CACNA1S: variants seen among roughly 807,000 people sequenced by gnomAD.
CACNA1S encodes the protein calcium voltage-gated channel subunit alpha1 S.
A neutral mutation model predicts 207.4 loss-of-function variants in CACNA1S; 126 were observed. The observed-to-expected ratio is 0.61, with a 90% CI of 0.53 to 0.70. CACNA1S has a LOEUF of 0.70. Among genes scored for constraint, CACNA1S ranks in the 30% least tolerant of loss-of-function variants. The pLI is 0.00. For missense variants in CACNA1S, 2,349 were observed against 2,422.8 expected (o/e 0.97, Z 0.64); for synonymous variants, 960 against 932.7 (o/e 1.03, Z -0.53).
Position 201,053,667 on chromosome 1 carries a change from CTG to C in CACNA1S, c.3667-82_3667-81del, listed in dbSNP as rs1660737506. The C allele has an allele frequency of 6.9e-7, 1 of 1,454,388 alleles. No individual in the cohort carries two copies. Among genetic ancestry groups the C allele is most frequent in the Admixed American group, 1.8e-5 (1 of 56,956 alleles). 90.1% of individuals were successfully genotyped at this position (1,454,388 alleles called of 1,614,324 possible). A position where few individuals can be genotyped will look rare whatever the true frequency, so the allele number is the denominator to read the frequency against. ...GGGGCAGGGCGGGGAGGGAGGTGCA[CTG>C]TGTGTTTTGGGGAGATGTTTGTGGC... On this transcript the variant is annotated intron_variant, in intron 29 of 43. Coordinates refer to ENST00000362061, the MANE Select transcript of CACNA1S (RefSeq NM_000069.3). The surrounding 1 kb of genome is among the most constrained non-coding windows in gnomAD (Gnocchi z 5.1).
At chr1:201,054,279 C>T (rs1199855007) in intron 29 of CACNA1S, among the ~76,000 whole-genome samples, 1 of 152,218 alleles carries the variant, frequency 6.6e-6, no homozygotes, top group East Asian at 1.9e-4. Flanking sequence ...AGAACCCGCA[C>T]TCCATCTCCC....
chr1:201,088,030 A>C, intron 6 of CACNA1S, 101 bp from the exon 7 acceptor site: 1 of 786,476 alleles, frequency 1.3e-6, no homozygotes, highest in Non-Finnish European at 2.2e-6. Flanking sequence ...ACAAGGAGAG[A>C]AGCCACGCTG....
chr1:201,045,433 T>C (rs1201642989), intron 38 of CACNA1S, among the ~76,000 whole-genome samples: 2 of 152,012 alleles, frequency 1.3e-5, no homozygotes, highest in African/African-American at 4.8e-5. Context: ...GGTCTGAGGA[T>C]TAGAATGTAG....
rs1558071726 is a variant in CACNA1S at position 201,076,943 on chromosome 1, G to C, written c.1804C>G (p.Gln602Glu). The change falls in exon 12 of 44, where the codon CAA becomes GAA. Residue 602 changes from glutamine to glutamate, a missense_variant. Physicochemically the swap from Gln to Glu is conservative, Grantham distance 29 (BLOSUM62 2). Transcript: ENST00000362061. ...VRRSNFDNFP[Q>E]ALISVFQVLT... is the part of the protein sequence containing the mutation. ...ACCTGGAAGACGCTGATGAGGGCTT[G>C]GGGAAAGTTGTCAAAGTTGCTGCGC... 2 of 1,614,214 alleles carry C rather than the reference G, an allele frequency of 1.2e-6. No homozygotes were observed. The highest frequency in any genetic ancestry group is 1.7e-6 in the Non-Finnish European group (2 of 1,180,020).
intron 9 of CACNA1S, among the ~76,000 whole-genome samples, chr1:201,083,976 G>A (rs2102152750): frequency 6.6e-6 from 1 of 152,270 alleles, no homozygotes; most frequent in East Asian, 1.9e-4. Context: ...GTTCCCTGCA[G>A]CACTGTTTGT....
rs748832613 is a variant in CACNA1S at position 201,089,468 on chromosome 1, AG to A, written c.695-6del. 1.4e-5 allele frequency: 23 copies of A among 1,613,514 alleles called. No homozygotes were observed. In the East Asian group the frequency reaches 2.5e-4, roughly 17 times the overall value. On this transcript the variant is annotated splice_polypyrimidine_tract_variant and splice_region_variant and intron_variant, in intron 5 of 43. Transcript: ENST00000362061. ...TCTCCACCGTGGCCACGATATCTGG[AG>A]GCAGAAGGCAAAGGGAACATCAGAC...
Position 201,078,396 on chromosome 1 carries a change from C to T in CACNA1S, c.1394-292G>A, listed in dbSNP as rs185731306. Among the ~76,000 whole-genome samples, 227 of 151,832 alleles carry T rather than the reference C, an allele frequency of 1.5e-3. 1 individual carries two copies. The highest frequency in any genetic ancestry group is 5.4e-3 in the African/African-American group (223 of 41,380). On this transcript the variant is annotated intron_variant, in intron 10 of 43. Transcript: ENST00000362061. ...TGTATTTTTAATAGAGACAGGGTTTCGTCATGTTGCCCAGGCTGGTCTTGA... is the reference window on the plus strand; with the variant it reads ...TGTATTTTTAATAGAGACAGGGTTTTGTCATGTTGCCCAGGCTGGTCTTGA...
chr1:201,047,469 C>T, intron 37 of CACNA1S, 56 bp downstream of exon 37: 1 of 1,449,442 alleles, frequency 6.9e-7, no homozygotes. Flanking sequence ...TGGAGAAGCT[C>T]CCCACTCCCA....
chr1:201,043,521 C>G lies in CACNA1S; in HGVS notation c.4808G>C (p.Gly1603Ala), dbSNP rs760651871. Residue 1603 changes from glycine (G) to alanine (A), a missense_variant, in exon 40 of 44, where the codon GGC becomes GCC. Coordinates refer to ENST00000362061, the MANE Select transcript of CACNA1S (RefSeq NM_000069.3). Reference sequence around the variant, plus strand: ...GAAGTTGTCCACCTGGCCAAACAGGCCTCCAGTCCTCTAGGGGCAAGGAGA... The same window carrying G: ...GAAGTTGTCCACCTGGCCAAACAGGGCTCCAGTCCTCTAGGGGCAAGGAGA... ...MEEGIFRRTG[G>A]LFGQVDNFLE... 1 of 1,613,832 alleles carries G rather than the reference C, an allele frequency of 6.2e-7. No homozygotes were observed. The highest frequency in any genetic ancestry group is 2.2e-5 in the East Asian group (1 of 44,860).
chr1:201,048,893 G>A, intron 35 of CACNA1S, 110 bp downstream of exon 35: 1 of 946,366 alleles, frequency 1.1e-6, no homozygotes, highest in Non-Finnish European at 1.7e-6. Context: ...TGGGGACCCA[G>A]GAGATCCCGG....
At chr1:201,090,185 A>G (rs1048428356) in intron 5 of CACNA1S, among the ~76,000 whole-genome samples, 13 of 152,204 alleles carry the variant, frequency 8.5e-5, no homozygotes, top group African/African-American at 2.9e-4. Flanking sequence ...AGGAGAGGAC[A>G]TTGATGGGTC....
At chr1:201,069,268 C>T in intron 18 of CACNA1S, 72 bp from the exon 19 acceptor site, 3 of 1,494,448 alleles carry the variant, frequency 2.0e-6, no homozygotes, top group South Asian at 1.1e-5. Flanking sequence ...GCAGCAGCAG[C>T]ATAAAGCAGG....
intron 2 of CACNA1S, among the ~76,000 whole-genome samples, chr1:201,095,712 C>A (rs1462696459): frequency 2.0e-5 from 3 of 152,210 alleles, no homozygotes; most frequent in African/African-American, 4.8e-5. Context: ...GATTAAAATG[C>A]AAAGCCATGC....
At chr1:201,065,555 C>T (rs1296223168) in intron 22 of CACNA1S, among the ~76,000 whole-genome samples, 1 of 152,198 alleles carries the variant, frequency 6.6e-6, no homozygotes, top group East Asian at 1.9e-4. Context: ...CCCTCTGCTA[C>T]CATTTCAGTA....
chr1:201,065,831 G>A lies in CACNA1S; in HGVS notation c.2853+7C>T. 6.2e-7 allele frequency: 1 copy of A among 1,607,416 alleles called. No homozygotes were observed. Among genetic ancestry groups the A allele is most frequent in the Non-Finnish European group, 8.5e-7 (1 of 1,173,926 alleles). Reference sequence around the variant, plus strand: ...AGGGGGAGCTGCTCGCGCAGGCTGGGGCTCACCTTGAAGAGCTGGACGCCG... The same window carrying A: ...AGGGGGAGCTGCTCGCGCAGGCTGGAGCTCACCTTGAAGAGCTGGACGCCG... On this transcript the variant is annotated splice_region_variant and intron_variant, in intron 22 of 43. Coordinates refer to ENST00000362061, the MANE Select transcript of CACNA1S (RefSeq NM_000069.3).
intron 40 of CACNA1S, among the ~76,000 whole-genome samples, chr1:201,042,155 G>A (rs767515486): frequency 6.6e-6 from 1 of 152,112 alleles, no homozygotes; most frequent in Middle Eastern, 3.4e-3. Flanking sequence ...TTGTTTTTTT[G>A]AGACGGAGTC....
At chr1:201,057,389 C>A (rs1424199902) in intron 28 of CACNA1S, among the ~76,000 whole-genome samples, 1 of 152,216 alleles carries the variant, frequency 6.6e-6, no homozygotes, top group African/African-American at 2.4e-5. Flanking sequence ...TGGACACCAC[C>A]CTCCCATTCT....
chr1:201,055,491 G>A (rs1014336993), intron 28 of CACNA1S, among the ~76,000 whole-genome samples: 2 of 152,226 alleles, frequency 1.3e-5, no homozygotes, highest in African/African-American at 2.4e-5. Flanking sequence ...CAAGGATGAC[G>A]ACCAGTGTTC....
chr1:201,092,726 G>A (rs1243989481), intron 3 of CACNA1S, among the ~76,000 whole-genome samples: 1 of 152,214 alleles, frequency 6.6e-6, no homozygotes, highest in African/African-American at 2.4e-5. Context: ...CTATTATTCT[G>A]TACGCATTTG....
Sources: gnomAD v4.1 joint callset for allele counts (sites outside exome capture counted in the v4.1 genomes callset) on GRCh38, gnomAD v4.1.1 for gene constraint, Gnocchi (gnomAD v3.1) non-coding constraint, MANE v1.5 for transcripts, NCBI Gene and HGNC (gene_info 2026-07-23, HGNC 2026-07-21) for gene names.